ATP1A1: variants seen among roughly 807,000 people sequenced by gnomAD.
ATP1A1 encodes the protein sodium/potassium-transporting ATPase subunit alpha-1.
In ATP1A1, 14 loss-of-function variants were observed where a neutral mutation model predicts 114.8. The ratio of observed to expected loss-of-function variants is 0.12; its 90% confidence interval spans 0.08 to 0.19. ATP1A1 has a LOEUF of 0.19. ATP1A1 is among the 10% of genes least tolerant of loss of function. The pLI is 1.00. For missense variants in ATP1A1, 524 were observed against 1,290.7 expected, an observed-to-expected ratio of 0.41 and a Z score of 9.10; for synonymous variants, 471 against 466.3, an observed-to-expected ratio of 1.01 and a Z score of -0.13.
At position 116,398,811 on chromosome 1, in the gene ATP1A1, C is replaced by A; in HGVS notation, c.2293+22C>A. 1 of 1,612,628 alleles carries A rather than the reference C, an allele frequency of 6.2e-7. No individual in the cohort carries two copies. Among genetic ancestry groups the A allele is most frequent in the Non-Finnish European group, 8.5e-7 (1 of 1,178,870 alleles). On this transcript the variant is annotated intron_variant, in intron 16 of 22. Transcript: ENST00000295598. The surrounding 1 kb of genome is among the most constrained non-coding windows in gnomAD (Gnocchi z 6.1). ...GAAGGTGAGAGCTATTTAAGGTGTA[C>A]ACCAAGATCTTATTCAGATACTGCC...
Position 116,397,987 on chromosome 1 carries a change from C to T in ATP1A1, c.2073C>T (p.Ala691=). The T allele has an allele frequency of 6.2e-7, 1 of 1,613,988 alleles. No homozygotes were observed. Among genetic ancestry groups the T allele is most frequent in the Non-Finnish European group, 8.5e-7 (1 of 1,180,002 alleles). The change falls in exon 15 of 23, where the codon GCC becomes GCT. Residue 691 remains alanine, a synonymous_variant. Transcript: ENST00000295598. The surrounding 1 kb of genome is among the most constrained non-coding windows in gnomAD (Gnocchi z 4.2). The part of the protein sequence containing the change: ...ILKYHTEIVF[A]RTSPQQKLII... Reference sequence around the variant, plus strand: ...AGTACCACACTGAGATAGTGTTTGCCAGGACCTCCCCTCAGCAGAAGCTCA... The same window carrying T: ...AGTACCACACTGAGATAGTGTTTGCTAGGACCTCCCCTCAGCAGAAGCTCA...
chr1:116,390,556 T>C, intron 9 of ATP1A1, 145 bp downstream of exon 9: 1 of 934,750 alleles, frequency 1.1e-6, no homozygotes, highest in Non-Finnish European at 1.6e-6. Context: ...TTTTTATCAT[T>C]TAGTGAAGAG....
chr1:116,396,067 A>AT (rs1652891326), intron 13 of ATP1A1, among the ~76,000 whole-genome samples: 1 of 152,136 alleles, frequency 6.6e-6, no homozygotes, highest in Non-Finnish European at 1.5e-5. Context: ...CTCAGGATTA[A>AT]TACTGCCCTG....
intron 12 of ATP1A1, among the ~76,000 whole-genome samples, chr1:116,394,069 T>G (rs1336960115): frequency 6.6e-6 from 1 of 152,084 alleles, no homozygotes; most frequent in African/African-American, 2.4e-5. Flanking sequence ...TGGACATGAC[T>G]TATAAGCCTA....
At chr1:116,380,615 C>T (rs1473960431) in intron 1 of ATP1A1, among the ~76,000 whole-genome samples, 2 of 152,176 alleles carry the variant, frequency 1.3e-5, no homozygotes, top group Non-Finnish European at 1.5e-5. Context: ...GAAGCAACAT[C>T]TTCAGCTCTA....
chr1:116,373,772 C>T, intron 1 of ATP1A1: 10 of 1,082,726 alleles, frequency 9.2e-6, no homozygotes, highest in Non-Finnish European at 1.1e-5. Context: ...GTGGGCGGAC[C>T]CTGGGCGGGG....
chr1:116,390,747 A>C (rs768626268), intron 9 of ATP1A1, 35 bp from the exon 10 acceptor site: 1 of 1,543,218 alleles, frequency 6.5e-7, no homozygotes, highest in Non-Finnish European at 9.0e-7. Context: ...AAGTTAATGC[A>C]TTGTTGTTCT....
Position 116,373,370 on chromosome 1 carries a change from T to TTG in ATP1A1, c.-142_-141insTG. The TTG allele has an allele frequency of 3.0e-6, 1 of 333,836 alleles. No homozygotes were observed. Among genetic ancestry groups the TTG allele is most frequent in the Non-Finnish European group, 5.2e-6 (1 of 191,792 alleles). The allele number at this position is 333,836 out of a possible 1,614,324, so 20.7% of individuals were successfully genotyped here. A position where few individuals can be genotyped will look rare whatever the true frequency, so the allele number is the denominator to read the frequency against. On this transcript the variant is annotated 5_prime_UTR_variant, in exon 1 of 23. Transcript: ENST00000295598. ...CATCGGCCCGAGCCGCCGGCCGCCC[T>TTG]CCCACCCTCCCGCCCCGCGGCAGCC...
intron 14 of ATP1A1, among the ~76,000 whole-genome samples, chr1:116,396,950 A>T (rs11808075): frequency 1.3e-5 from 2 of 152,314 alleles, no homozygotes; most frequent in African/African-American, 2.4e-5. Context: ...CTGTTCTAAG[A>T]GCTTGATATG....
Position 116,389,758 on chromosome 1 carries a change from T to TA in ATP1A1, c.1023+52dup. ...GACTCAGATCAGCTTGCACGAATGT[T>TA]ACACTCTTCCGCTATCCTATTCTAA... On this transcript the variant is annotated intron_variant, in intron 8 of 22. Transcript: ENST00000295598. This position sits in a 1 kb window ranked among gnomAD's most constrained non-coding sequence, Gnocchi z 6.9. 6.2e-7 allele frequency: 1 copy of TA among 1,607,086 alleles called. No homozygotes were observed.
chr1:116,378,694 A>G (rs1035233890), intron 1 of ATP1A1, among the ~76,000 whole-genome samples: 1 of 152,234 alleles, frequency 6.6e-6, no homozygotes, highest in Non-Finnish European at 1.5e-5. Context: ...GGCCTTGGAC[A>G]GCCTTTATCC....
rs188079199 is a variant in ATP1A1, at chr1:116,389,966, A to G, written c.1024-247A>G. The stretch of plus-strand genomic sequence containing the variant: ...TGAACAGTGCAGTGGAGAAAGGAGA[A>G]GAACTTGGGATCAAGTAGGGGGATA... On this transcript the variant is annotated intron_variant, in intron 8 of 22. Coordinates refer to ENST00000295598, the MANE Select transcript of ATP1A1 (RefSeq NM_000701.8). The surrounding 1 kb of genome is among the most constrained non-coding windows in gnomAD (Gnocchi z 6.9). 1.5e-5 allele frequency: 10 copies of G among 667,226 alleles called. No homozygotes were observed. The East Asian group carries it at 2.7e-4, about 18-fold the overall frequency. 41.3% of individuals were successfully genotyped at this position (667,226 alleles called of 1,614,324 possible).
In ATP1A1 at chr1:116,373,418, C is replaced by A; in HGVS notation, c.-94C>A. ...GCCCTAGCTCCCTCCACTTGGCTCC[C>A]CTGGTCCCGCTCGCTCGGCCGGGAG... On this transcript the variant is annotated 5_prime_UTR_variant, in exon 1 of 23. Transcript: ENST00000295598. The A allele has an allele frequency of 7.1e-7, 1 of 1,410,266 alleles. No homozygotes were observed. The allele number at this position is 1,410,266 out of a possible 1,614,324, so 87.4% of individuals were successfully genotyped here.
intron 21 of ATP1A1, 94 bp from the exon 22 acceptor site, chr1:116,403,790 G>T: frequency 9.1e-7 from 1 of 1,103,804 alleles, no homozygotes; most frequent in South Asian, 1.4e-5. Flanking sequence ...CTTTCAGGCT[G>T]ATTATTTCAT....
intron 3 of ATP1A1, among the ~76,000 whole-genome samples, chr1:116,386,467 C>A (rs1245642167): frequency 6.6e-6 from 1 of 152,150 alleles, no homozygotes; most frequent in African/African-American, 2.4e-5. Context: ...GAATTCAGTT[C>A]CTGGCATGTA....
Position 116,384,197 on chromosome 1 carries a change from G to A in ATP1A1, c.123+73G>A. On this transcript the variant is annotated intron_variant, in intron 2 of 22. Coordinates refer to ENST00000295598, the MANE Select transcript of ATP1A1 (RefSeq NM_000701.8). The surrounding 1 kb of genome is among the most constrained non-coding windows in gnomAD (Gnocchi z 5.1). ...GATTTTTAATCCCCCAGGCCTCACT[G>A]TATTCTTCAAAGAACTGCTATATAT... is the stretch of plus-strand genomic sequence containing the variant. The A allele has an allele frequency of 8.0e-7, 1 of 1,254,726 alleles. No homozygotes were observed. Among genetic ancestry groups the A allele is most frequent in the South Asian group, 1.3e-5 (1 of 76,298 alleles). The allele number at this position is 1,254,726 out of a possible 1,614,324, so 77.7% of individuals were successfully genotyped here.
intron 1 of ATP1A1, chr1:116,374,240 A>C (rs1434631877): frequency 6.4e-7 from 1 of 1,551,590 alleles, no homozygotes; most frequent in African/African-American, 1.4e-5. Context: ...ATGGCCTTTA[A>C]GGTATACTTT....
intron 1 of ATP1A1, among the ~76,000 whole-genome samples, chr1:116,377,606 T>A (rs1379646015): frequency 1.3e-5 from 2 of 152,254 alleles, no homozygotes; most frequent in Non-Finnish European, 2.9e-5. Context: ...TCGCGGTTGA[T>A]GATCATTTTT....
In ATP1A1 at chr1:116,385,163, T is replaced by C. The variant is rs543189073; in HGVS notation, c.183+321T>C. 19 of 294,540 alleles carry C rather than the reference T, an allele frequency of 6.5e-5. No homozygotes were observed. In the Admixed American group the frequency reaches 1.1e-3, roughly 17 times the overall value. 18.2% of individuals were successfully genotyped at this position (294,540 alleles called of 1,614,324 possible). On this transcript the variant is annotated intron_variant, in intron 3 of 22. Coordinates refer to ENST00000295598, the MANE Select transcript of ATP1A1 (RefSeq NM_000701.8). The surrounding 1 kb of genome is among the most constrained non-coding windows in gnomAD (Gnocchi z 4.3). The stretch of plus-strand genomic sequence containing the variant: ...CTTTTGATGATAAATTTTCCCTTTA[T>C]TTTTCTACATTTGTTAAATAGAGTT...
Sources: allele counts gnomAD v4.1 joint callset (sites outside exome capture counted in the v4.1 genomes callset), GRCh38; gene constraint gnomAD v4.1.1; non-coding constraint Gnocchi (gnomAD v3.1); transcripts MANE v1.5; gene names NCBI Gene and HGNC (gene_info 2026-07-23, HGNC 2026-07-21).